Variants in MACROD2 observed in about 807,000 individuals in gnomAD.
The protein encoded by MACROD2 is mono-ADP ribosylhydrolase 2.
Under a neutral mutation model 70.4 loss-of-function variants are expected in MACROD2, and 36 were observed. That is an observed-to-expected ratio of 0.51 (90% CI 0.39 to 0.68). MACROD2 has a LOEUF of 0.68. Ranked by LOEUF, MACROD2 falls within the 30% of genes least tolerant of loss-of-function variation. The pLI, the probability that MACROD2 is intolerant of heterozygous loss-of-function variation, is 0.00. For missense variants in MACROD2, 496 were observed against 538.4 expected (o/e 0.92, Z 0.78); for synonymous variants, 172 against 178.8 (o/e 0.96, Z 0.30).
chr20:15,400,558 G>C (rs1182556814), intron 6 of MACROD2, among the ~76,000 whole-genome samples: 2 of 152,148 alleles, frequency 1.3e-5, no homozygotes, highest in African/African-American at 4.8e-5. Context: ...ATTTAAACTG[G>C]TTTTGTAAGG....
chr20:15,609,916 C>T (rs1485618612), intron 8 of MACROD2, among the ~76,000 whole-genome samples: 1 of 152,172 alleles, frequency 6.6e-6, no homozygotes, highest in Non-Finnish European at 1.5e-5. Flanking sequence ...AGTCCCAGAA[C>T]ATGCTATTAC....
intron 15 of MACROD2, among the ~76,000 whole-genome samples, chr20:15,990,806 C>G (rs921509017): frequency 1.3e-5 from 2 of 152,096 alleles, no homozygotes; most frequent in Non-Finnish European, 2.9e-5. Context: ...TCCTGGCAAT[C>G]CTTAAACTTC....
At chr20:15,587,267 A>T (rs1487875082) in intron 8 of MACROD2, among the ~76,000 whole-genome samples, 1 of 152,160 alleles carries the variant, frequency 6.6e-6, no homozygotes, top group Middle Eastern at 3.2e-3. Context: ...TATCATGAGA[A>T]TACCATGGGA....
chr20:14,812,215 G>A (rs940259615), intron 5 of MACROD2, among the ~76,000 whole-genome samples: 1 of 151,950 alleles, frequency 6.6e-6, no homozygotes, highest in Admixed American at 6.6e-5. Context: ...AAGAAAATGT[G>A]GTACATATAC....
intron 5 of MACROD2, among the ~76,000 whole-genome samples, chr20:15,108,675 T>C (rs1286857872): frequency 2.0e-5 from 3 of 152,196 alleles, no homozygotes; most frequent in Non-Finnish European, 4.4e-5. Context: ...GGATATTAAA[T>C]CTATTACCTT....
At position 15,051,844 on chromosome 20, in the gene MACROD2, C is replaced by T. The variant is rs1238179911; in HGVS notation, c.419-178096C>T. On this transcript the variant is annotated intron_variant, in intron 5 of 17. Coordinates refer to ENST00000684519, the MANE Select transcript of MACROD2 (RefSeq NM_001351661.2). Reference sequence around the variant, plus strand: ...TCAGCTCACTGCAACTTCCACCTCCCAGGTTCAAGCCATTCTCCTGCCTCA... The same window carrying T: ...TCAGCTCACTGCAACTTCCACCTCCTAGGTTCAAGCCATTCTCCTGCCTCA... 4.6e-5 allele frequency among the ~76,000 whole-genome samples: 7 copies of T among 151,788 alleles called. No homozygotes were observed. In the South Asian group the frequency reaches 1.5e-3, roughly 32 times the overall value.
At chr20:14,160,095 T>G (rs918859808) in intron 3 of MACROD2, among the ~76,000 whole-genome samples, 2 of 152,230 alleles carry the variant, frequency 1.3e-5, no homozygotes, top group South Asian at 4.1e-4. Flanking sequence ...TATATTGTTT[T>G]TTTGATGTGC....
intron 4 of MACROD2, among the ~76,000 whole-genome samples, chr20:14,576,909 T>C (rs1980639199): frequency 1.3e-5 from 2 of 152,182 alleles, no homozygotes; most frequent in Admixed American, 1.3e-4. Flanking sequence ...TTTAGTAAAG[T>C]TTGTTACTCA....
intron 15 of MACROD2, among the ~76,000 whole-genome samples, chr20:16,002,826 T>C (rs2066728968): frequency 6.6e-6 from 1 of 152,192 alleles, no homozygotes; most frequent in Non-Finnish European, 1.5e-5. Context: ...CTACCGCTAC[T>C]CTAGTATTTC....
chr20:15,688,024 C>T (rs1000951166), intron 8 of MACROD2, among the ~76,000 whole-genome samples: 1 of 152,138 alleles, frequency 6.6e-6, no homozygotes, highest in African/African-American at 2.4e-5. Flanking sequence ...TGCTTTCTGT[C>T]CTGCTATAAT....
At chr20:14,181,790 A>G (rs1467196874) in intron 3 of MACROD2, among the ~76,000 whole-genome samples, 1 of 152,206 alleles carries the variant, frequency 6.6e-6, no homozygotes, top group Non-Finnish European at 1.5e-5. Context: ...TGCTTTGAAG[A>G]GTCATCAACA....
chr20:15,383,135 C>T (rs1470383858), intron 6 of MACROD2, among the ~76,000 whole-genome samples: 1 of 152,140 alleles, frequency 6.6e-6, no homozygotes, highest in Non-Finnish European at 1.5e-5. Flanking sequence ...TCATGAAATA[C>T]ATTTTAATAA....
chr20:14,303,206 C>T (rs2082491244), intron 3 of MACROD2, among the ~76,000 whole-genome samples: 1 of 152,134 alleles, frequency 6.6e-6, no homozygotes, highest in Admixed American at 6.5e-5. Context: ...TGCTATGCGG[C>T]ATTTTTTCAA....
chr20:14,213,009 T>C (rs1313887872), intron 3 of MACROD2, among the ~76,000 whole-genome samples: 1 of 151,258 alleles, frequency 6.6e-6, no homozygotes, highest in Non-Finnish European at 1.5e-5. Flanking sequence ...ACAGAATGAG[T>C]GTGGGGTAGT....
At chr20:14,641,908 G>A (rs954300784) in intron 4 of MACROD2, among the ~76,000 whole-genome samples, 2 of 152,146 alleles carry the variant, frequency 1.3e-5, no homozygotes, top group African/African-American at 2.4e-5. Flanking sequence ...ATCATCAGCT[G>A]CATTAGCCCA....
chr20:15,297,633 T>C (rs1244302921), intron 6 of MACROD2, among the ~76,000 whole-genome samples: 1 of 152,206 alleles, frequency 6.6e-6, no homozygotes, highest in Non-Finnish European at 1.5e-5. Context: ...ACCCCATCTC[T>C]TCCAGAATGT....
At chr20:14,582,008 G>A (rs889297797) in intron 4 of MACROD2, among the ~76,000 whole-genome samples, 2 of 152,090 alleles carry the variant, frequency 1.3e-5, no homozygotes, top group African/African-American at 2.4e-5. Flanking sequence ...AGTTGCTCAC[G>A]TTAGTCACCA....
At chr20:15,862,691 C>T in intron 8 of MACROD2, 54 bp from the exon 9 acceptor site, 1 of 1,431,810 alleles carries the variant, frequency 7.0e-7, no homozygotes, top group East Asian at 2.3e-5. Context: ...TATGTCCTGG[C>T]AGGGCAATTG....
At chr20:15,691,128 C>T (rs1188231939) in intron 8 of MACROD2, among the ~76,000 whole-genome samples, 3 of 152,156 alleles carry the variant, frequency 2.0e-5, no homozygotes, top group Non-Finnish European at 4.4e-5. Flanking sequence ...TGAAAACCTC[C>T]TGGATATGTC....
Sources: allele counts gnomAD v4.1 joint callset (sites outside exome capture counted in the v4.1 genomes callset), GRCh38; gene constraint gnomAD v4.1.1; transcripts MANE v1.5; gene names NCBI Gene and HGNC (gene_info 2026-07-23, HGNC 2026-07-21).